ANXA8: variants seen among roughly 807,000 people sequenced by gnomAD.
The protein encoded by ANXA8 is annexin A8.
Under a neutral mutation model 26.8 loss-of-function variants are expected in ANXA8, and 9 were observed. The ratio of observed to expected loss-of-function variants is 0.34; its 90% CI spans 0.20 to 0.59. The LOEUF (loss-of-function observed/expected upper bound fraction) is 0.59, where lower values mean the gene tolerates loss of function less well. Ranked by LOEUF, ANXA8 falls within the 20% of genes least tolerant of loss-of-function variation. ANXA8 has a pLI of 0.84. For missense variants in ANXA8, 83 were observed against 238.5 expected, an observed-to-expected ratio of 0.35 and a Z score of 4.29; for synonymous variants, 39 against 94.8, an observed-to-expected ratio of 0.41 and a Z score of 3.42.
chr10:47,677,399 AG>A, the ANXA8 span, among the ~76,000 whole-genome samples: 1 of 151,970 alleles, frequency 6.6e-6, no homozygotes, highest in Non-Finnish European at 1.5e-5. Flanking sequence ...GCTAGAAAAC[AG>A]GACAAAAATA....
the ANXA8 span, among the ~76,000 whole-genome samples, chr10:47,896,901 AGATTT>A: frequency 7.0e-6 from 1 of 142,330 alleles, no homozygotes; most frequent in African/African-American, 2.7e-5. Context: ...TTGAATGAAG[AGATTT>A]TATTTATTTA....
At chr10:47,559,534 T>C in the ANXA8 span, among the ~76,000 whole-genome samples, 1 of 151,770 alleles carries the variant, frequency 6.6e-6, no homozygotes, top group Non-Finnish European at 1.5e-5. Flanking sequence ...GAAGGAAGAG[T>C]AACTGGCTTT....
the ANXA8 span, among the ~76,000 whole-genome samples, chr10:47,495,659 AGAGGAGGAG>A: frequency 1.2e-4 from 15 of 120,972 alleles, no homozygotes; most frequent in East Asian, 3.7e-4. Flanking sequence ...CTGAGGAGGA[AGAGGAGGAG>A]GAGGAGGAGG....
At chr10:47,704,966 A>G in the ANXA8 span, among the ~76,000 whole-genome samples, 24 of 152,244 alleles carry the variant, frequency 1.6e-4, no homozygotes, top group East Asian at 4.4e-3. Context: ...CATGTTCCAT[A>G]AAAATCCTCG....
chr10:47,954,917 G>C, the ANXA8 span, among the ~76,000 whole-genome samples: 1 of 150,740 alleles, frequency 6.6e-6, no homozygotes, highest in Non-Finnish European at 1.5e-5. Flanking sequence ...AGATACACAT[G>C]ACAAGGAGAA....
chr10:47,484,430 T>C (rs1403019966), upstream of ANXA8: 19 of 1,142,416 alleles, frequency 1.7e-5, 1 homozygote, highest in African/African-American at 7.9e-5. Context: ...TTTAATCAAC[T>C]GCATATGCAA....
the ANXA8 span, among the ~76,000 whole-genome samples, chr10:47,733,191 T>TTCTTTCTCTCTCTC: frequency 9.4e-6 from 1 of 106,476 alleles, no homozygotes; most frequent in Admixed American, 9.4e-5. Context: ...CTTTCTTTCT[T>TTCTTTCTCTCTCTC]TCTTTCTTTC....
the ANXA8 span, chr10:47,503,142 T>C: frequency 6.2e-7 from 1 of 1,610,460 alleles, no homozygotes; most frequent in Non-Finnish European, 8.5e-7. Flanking sequence ...GGTCAATCTC[T>C]TTTTTATGAA....
upstream of ANXA8, among the ~76,000 whole-genome samples, chr10:47,489,078 C>T (rs1464546320): frequency 6.7e-6 from 1 of 149,812 alleles, no homozygotes; most frequent in Non-Finnish European, 1.5e-5. Flanking sequence ...AGTGCAGTGG[C>T]ATGATCTAGG....
chr10:47,909,811 T>A, the ANXA8 span, among the ~76,000 whole-genome samples: 1 of 146,496 alleles, frequency 6.8e-6, no homozygotes, highest in Non-Finnish European at 1.5e-5. Context: ...GGCTCTTTTT[T>A]ACTCAGCTTT....
At chr10:47,715,917 T>C in the ANXA8 span, 1 of 802,042 alleles carries the variant, frequency 1.2e-6, no homozygotes, top group South Asian at 1.7e-5. Context: ...AGAGTCTTGC[T>C]CTGTTGCTCA....
chr10:47,551,827 T>C, the ANXA8 span: 3 of 970,482 alleles, frequency 3.1e-6, no homozygotes, highest in Non-Finnish European at 4.2e-6. Context: ...CTTAGTCTCC[T>C]AGCTGGAGAT....
chr10:47,743,767 A>AGCGCGGCCCCTCCGCCACC, the ANXA8 span, among the ~76,000 whole-genome samples: 1 of 150,300 alleles, frequency 6.7e-6, no homozygotes, highest in African/African-American at 2.5e-5. Context: ...CACGCCCGCA[A>AGCGCGGCCCCTCCGCCACC]GCGCGGCCCC....
chr10:47,653,766 T>C, the ANXA8 span, among the ~76,000 whole-genome samples: 1 of 148,868 alleles, frequency 6.7e-6, no homozygotes, highest in East Asian at 2.0e-4. Context: ...TACCTCAGCC[T>C]CCAGAGTAGC....
At chr10:47,650,813 A>T in the ANXA8 span, among the ~76,000 whole-genome samples, 362 of 149,954 alleles carry the variant, frequency 2.4e-3, 9 homozygotes, top group African/African-American at 8.4e-3. Context: ...TCTCAAAAAA[A>T]AAAAAAGGGC....
At chr10:47,648,187 G>T in the ANXA8 span, among the ~76,000 whole-genome samples, 1 of 150,722 alleles carries the variant, frequency 6.6e-6, no homozygotes. Flanking sequence ...AACAGGAAAA[G>T]GAGATCTATT....
chr10:47,658,377 C>T, the ANXA8 span, among the ~76,000 whole-genome samples: 1 of 146,052 alleles, frequency 6.8e-6, no homozygotes, highest in Non-Finnish European at 1.5e-5. Context: ...CAGTGCAAGA[C>T]TCTGTCTCAA....
At chr10:47,543,390 C>A in the ANXA8 span, among the ~76,000 whole-genome samples, 1 of 28,730 alleles carries the variant, frequency 3.5e-5, no homozygotes, top group Non-Finnish European at 6.3e-5. Flanking sequence ...GATTCGGTAA[C>A]ACCTTTGCAG....
At chr10:47,743,257 T>TATAC in the ANXA8 span, among the ~76,000 whole-genome samples, 3 of 128,708 alleles carry the variant, frequency 2.3e-5, no homozygotes, top group South Asian at 4.8e-4. Flanking sequence ...TATATATATA[T>TATAC]ATATATACAT....
Sources: allele counts gnomAD v4.1 joint callset (sites outside exome capture counted in the v4.1 genomes callset), GRCh38; gene constraint gnomAD v4.1.1; transcripts MANE v1.5; gene names NCBI Gene and HGNC (gene_info 2026-07-23, HGNC 2026-07-21).